Variants in CNTNAP2 observed in about 807,000 individuals in gnomAD.
CNTNAP2 encodes contactin associated protein 2, also known as contactin-associated protein-like 2.
CNTNAP2 carries 98 observed loss-of-function variants against 155.2 expected under a neutral mutation model. The observed-to-expected ratio is 0.63, with a 90% CI of 0.54 to 0.75. The LOEUF (loss-of-function observed/expected upper bound fraction) is 0.75. CNTNAP2 is among the 30% of genes least tolerant of loss of function. The probability of loss-of-function intolerance (pLI) is 0.00; values close to 1 mark genes in which losing one functional copy is unlikely to be tolerated. For synonymous variants in CNTNAP2, 651 were observed against 631.2 expected (o/e 1.03, Z -0.47); for missense variants, 1,727 against 1,688.1 (o/e 1.02, Z -0.40).
chr7:146,641,045 G>C (rs1410240573), intron 1 of CNTNAP2, among the ~76,000 whole-genome samples: 1 of 152,196 alleles, frequency 6.6e-6, no homozygotes, highest in Non-Finnish European at 1.5e-5. Flanking sequence ...AGACAAACTT[G>C]TCCAGGCACG....
intron 8 of CNTNAP2, among the ~76,000 whole-genome samples, chr7:147,295,605 A>G (rs1473690333): frequency 1.3e-5 from 2 of 152,228 alleles, no homozygotes; most frequent in Non-Finnish European, 2.9e-5. Context: ...GCTGACATAT[A>G]AAAAGATCAT....
intron 3 of CNTNAP2, among the ~76,000 whole-genome samples, chr7:146,979,709 A>G (rs1797977983): frequency 6.6e-6 from 1 of 152,206 alleles, no homozygotes; most frequent in African/African-American, 2.4e-5. Context: ...CCCACAAATT[A>G]TGCAAAGGGT....
chr7:147,574,788 T>C (rs1563004061), intron 12 of CNTNAP2, among the ~76,000 whole-genome samples: 1 of 152,092 alleles, frequency 6.6e-6, no homozygotes, highest in Non-Finnish European at 1.5e-5. Flanking sequence ...ACTTGGTTCT[T>C]CTCAATGCAG....
At chr7:147,592,330 A>G (rs1584838389) in intron 12 of CNTNAP2, among the ~76,000 whole-genome samples, 2 of 152,180 alleles carry the variant, frequency 1.3e-5, no homozygotes, top group Non-Finnish European at 2.9e-5. Flanking sequence ...AAACCATTCA[A>G]TTTTACTAAA....
At chr7:148,147,181 G>A (rs935129980) in intron 16 of CNTNAP2, among the ~76,000 whole-genome samples, 2 of 152,138 alleles carry the variant, frequency 1.3e-5, no homozygotes, top group African/African-American at 4.8e-5. Context: ...CTCAACATGC[G>A]CTAACTTCTC....
intron 21 of CNTNAP2, among the ~76,000 whole-genome samples, chr7:148,301,306 A>AT (rs1554414674): frequency 0.61 from 64,378 of 105,242 alleles, 22,105 homozygotes; most frequent in Non-Finnish European, 0.77. Flanking sequence ...AAAAAAAAAA[A>AT]ATATATATAT....
intron 21 of CNTNAP2, among the ~76,000 whole-genome samples, chr7:148,326,701 C>T (rs1003558374): frequency 6.6e-6 from 1 of 151,804 alleles, no homozygotes; most frequent in African/African-American, 2.4e-5. Context: ...CCCGTCTCTA[C>T]TAAAAATACA....
At chr7:147,584,098 G>T (rs985703361) in intron 12 of CNTNAP2, among the ~76,000 whole-genome samples, 1 of 152,174 alleles carries the variant, frequency 6.6e-6, no homozygotes. Context: ...TTTCAAGAGC[G>T]TTAGACTATG....
intron 1 of CNTNAP2, among the ~76,000 whole-genome samples, chr7:146,281,849 C>T (rs1022715180): frequency 6.6e-6 from 1 of 151,404 alleles, no homozygotes; most frequent in Non-Finnish European, 1.5e-5. Flanking sequence ...AAAAGTGTAA[C>T]TATATCATAG....
chr7:147,761,138 C>T (rs1797292968), intron 13 of CNTNAP2, among the ~76,000 whole-genome samples: 1 of 152,130 alleles, frequency 6.6e-6, no homozygotes, highest in African/African-American at 2.4e-5. Flanking sequence ...AAAATACTAA[C>T]ATAAGAAGGT....
chr7:147,565,661 G>A (rs1229220221), intron 12 of CNTNAP2, among the ~76,000 whole-genome samples: 1 of 152,166 alleles, frequency 6.6e-6, no homozygotes, highest in Non-Finnish European at 1.5e-5. Context: ...GGATGAGAAT[G>A]TTTAAAGAGA....
At chr7:146,524,778 C>A (rs988339273) in intron 1 of CNTNAP2, among the ~76,000 whole-genome samples, 1 of 152,006 alleles carries the variant, frequency 6.6e-6, no homozygotes, top group Non-Finnish European at 1.5e-5. Flanking sequence ...AATTATGACA[C>A]CTTTTTAAAG....
rs564067250 is a variant in CNTNAP2 at position 147,154,107 on chromosome 7, C to A, written c.1348+21598C>A. On this transcript the variant is annotated intron_variant, in intron 8 of 23. Transcript: ENST00000361727. ...ACTATTAAGATGCCCGCCCTCCCCC[C>A]ACAAAAAAAAAGAAGAATAATTACC... Among the ~76,000 whole-genome samples, 12 of 149,884 alleles carry A rather than the reference C, an allele frequency of 8.0e-5. No homozygotes were observed. The East Asian group carries it at 9.7e-4, about 12-fold the overall frequency.
chr7:147,344,707 A>G (rs558568676), intron 9 of CNTNAP2, among the ~76,000 whole-genome samples: 8 of 152,248 alleles, frequency 5.3e-5, no homozygotes, highest in African/African-American at 1.9e-4. Flanking sequence ...GTTTTCTCCT[A>G]CTTGTCTTAG....
In CNTNAP2 at chr7:147,634,686, C is replaced by T. The variant is rs193044134; in HGVS notation, c.1898-4420C>T. Reference sequence around the variant, plus strand: ...AATTATTTTATAAAATAGATACATACGTGCATGTGTATTTCTTTTCAAATC... The same window carrying T: ...AATTATTTTATAAAATAGATACATATGTGCATGTGTATTTCTTTTCAAATC... On this transcript the variant is annotated intron_variant, in intron 12 of 23. Coordinates refer to ENST00000361727, the MANE Select transcript of CNTNAP2 (RefSeq NM_014141.6). 2.4e-3 allele frequency among the ~76,000 whole-genome samples: 368 copies of T among 152,240 alleles called. 1 individual carries two copies. Among genetic ancestry groups the T allele is most frequent in the African/African-American group, 8.5e-3 (352 of 41,542 alleles).
At chr7:146,663,362 C>T (rs1166392602) in intron 1 of CNTNAP2, among the ~76,000 whole-genome samples, 1 of 148,442 alleles carries the variant, frequency 6.7e-6, no homozygotes, top group African/African-American at 2.5e-5. Flanking sequence ...TTAGTTGTTT[C>T]ACTTTCTCAT....
At chr7:146,678,352 G>GC (rs1482936439) in intron 1 of CNTNAP2, among the ~76,000 whole-genome samples, 3 of 151,976 alleles carry the variant, frequency 2.0e-5, no homozygotes, top group Non-Finnish European at 4.4e-5. Context: ...GGAATTACAG[G>GC]CATCAGCTAC....
intron 1 of CNTNAP2, among the ~76,000 whole-genome samples, chr7:146,204,453 T>C (rs1274865677): frequency 2.0e-5 from 3 of 152,132 alleles, no homozygotes; most frequent in Non-Finnish European, 2.9e-5. Flanking sequence ...GTCACAATTA[T>C]GAGTAAATAT....
intron 4 of CNTNAP2, among the ~76,000 whole-genome samples, chr7:147,060,813 G>C (rs1014234044): frequency 1.3e-4 from 19 of 151,756 alleles, no homozygotes; most frequent in Admixed American, 4.6e-4. Context: ...GCAGTGAGCC[G>C]AGACCGCGCC....
Sources: gnomAD v4.1 joint callset for allele counts (sites outside exome capture counted in the v4.1 genomes callset) on GRCh38, gnomAD v4.1.1 for gene constraint, MANE v1.5 for transcripts, NCBI Gene and HGNC (gene_info 2026-07-23, HGNC 2026-07-21) for gene names.